The following CEP152 variants were observed in gnomAD, a reference collection of about 807,000 sequenced individuals.
CEP152 encodes the protein centrosomal protein 152.
In CEP152, 132 loss-of-function variants were observed where a neutral mutation model predicts 188.9. The observed-to-expected ratio is 0.70, with a 90% confidence interval of 0.61 to 0.81. The LOEUF is 0.81. Ranked by LOEUF, CEP152 falls within the 30% of genes least tolerant of loss-of-function variation. The probability of loss-of-function intolerance (pLI) is 0.00; values close to 1 mark genes in which losing one functional copy is unlikely to be tolerated. For missense variants in CEP152, 1,914 were observed against 1,969.8 expected, an observed-to-expected ratio of 0.97 and a Z score of 0.54; for synonymous variants, 649 against 666.6, an observed-to-expected ratio of 0.97 and a Z score of 0.41.
At position 48,796,132 on chromosome 15, in the gene CEP152, T is replaced by C; in HGVS notation, c.569A>G (p.Tyr190Cys). ...ATAAGGTTTATATGTCACTTTATTA[T>C]ACGGTTCCAAACCTTGACAACTGGG... is the stretch of plus-strand genomic sequence containing the variant. The part of the protein sequence containing the change: ...QGPSCQGLEP[Y>C]NKVTYKPYQS... Residue 190 changes from tyrosine (Y) to cysteine (C), a missense_variant, in exon 6 of 27, where the codon TAT becomes TGT. Tyr to Cys is a radical substitution (Grantham distance 194, BLOSUM62 -2). Transcript: ENST00000380950. The C allele has an allele frequency of 6.2e-7, 1 of 1,613,870 alleles. No homozygotes were observed. Among genetic ancestry groups the C allele is most frequent in the South Asian group, 1.1e-5 (1 of 91,086 alleles).
intron 2 of CEP152, among the ~76,000 whole-genome samples, chr15:48,804,193 G>A (rs1294261392): frequency 6.6e-6 from 1 of 152,266 alleles, no homozygotes; most frequent in Admixed American, 6.5e-5. Flanking sequence ...CAGGCCAGGT[G>A]TGGCCAGGGC....
At chr15:48,744,846 C>G in intron 23 of CEP152, 50 bp downstream of exon 23, 1 of 1,507,494 alleles carries the variant, frequency 6.6e-7, no homozygotes, top group Non-Finnish European at 9.0e-7. Context: ...TTTAAAGATA[C>G]TTGTACTTAG....
downstream of CEP152, among the ~76,000 whole-genome samples, chr15:48,736,938 AGT>A (rs1157747011): frequency 6.6e-6 from 1 of 152,172 alleles, no homozygotes; most frequent in Non-Finnish European, 1.5e-5. Context: ...TTTTTTCTAG[AGT>A]GAGAGATGAC....
At chr15:48,746,324 G>A (rs1893420101) in intron 22 of CEP152, among the ~76,000 whole-genome samples, 1 of 152,002 alleles carries the variant, frequency 6.6e-6, no homozygotes, top group African/African-American at 2.4e-5. Flanking sequence ...AGAATAGTAT[G>A]GTGCTAAATA....
At position 48,762,523 on chromosome 15, in the gene CEP152, T is replaced by C. The variant is rs1442564832; in HGVS notation, c.2430A>G (p.Ala810=). 6.2e-7 allele frequency: 1 copy of C among 1,614,094 alleles called. No individual in the cohort carries two copies. The highest frequency in any genetic ancestry group is 8.5e-7 in the Non-Finnish European group (1 of 1,179,988). ...TSDVISKKEM[A]IMIEEQKCTI... is the part of the protein sequence containing the mutation. ...TGCACTTCTGCTCTTCTATCATAAT[T>C]GCCATCTCTTTCTTGGAAATAACAT... The change falls in exon 18 of 27, where the codon GCA becomes GCG. Residue 810 remains alanine (A), a synonymous_variant. Transcript: ENST00000380950.
Position 48,767,424 on chromosome 15 carries a change from T to C in CEP152, c.2058A>G (p.Lys686=), listed in dbSNP as rs779485624. ...CTAATAGGCTTTCACGTATTTGAGT[T>C]TTCATGGCTTCATGGTGCTGCTGAT... The part of the protein sequence containing the change: ...RTYQQHHEAM[K]TQIRESLLAK... Residue 686 remains lysine (K), a synonymous_variant, in exon 16 of 27, where the codon AAA becomes AAG. Coordinates refer to ENST00000380950, the MANE Select transcript of CEP152 (RefSeq NM_001194998.2). 20 of 1,614,002 alleles carry C rather than the reference T, an allele frequency of 1.2e-5. No homozygotes were observed. The East Asian group carries it at 4.5e-4, about 36-fold the overall frequency.
At chr15:48,729,666 T>C (rs1195863098) in intron 2 of CEP152, 2 of 152,100 alleles carry the variant, frequency 1.3e-5, no homozygotes, top group East Asian at 1.9e-4. Context: ...TGCTGAAGTA[T>C]TTAGGAAGGA....
intron 20 of CEP152, among the ~76,000 whole-genome samples, chr15:48,754,249 T>A (rs539182297): frequency 8.4e-4 from 128 of 152,302 alleles, no homozygotes; most frequent in African/African-American, 3.0e-3. Flanking sequence ...CATAGACTTA[T>A]GAGCCTCATT....
At chr15:48,743,097 T>C (rs528756933) in intron 24 of CEP152, among the ~76,000 whole-genome samples, 158 of 152,310 alleles carry the variant, frequency 1.0e-3, no homozygotes, top group African/African-American at 3.7e-3. Context: ...GATGAAAACA[T>C]GCTTAAAATT....
At chr15:48,800,812 T>A (rs917868808) in intron 2 of CEP152, among the ~76,000 whole-genome samples, 2 of 152,172 alleles carry the variant, frequency 1.3e-5, no homozygotes, top group Non-Finnish European at 2.9e-5. Flanking sequence ...AGAATCATTC[T>A]ATAAACTCCC....
chr15:48,789,211 C>A (rs1896860072), intron 8 of CEP152: 1 of 593,352 alleles, frequency 1.7e-6, no homozygotes, highest in South Asian at 2.0e-5. Context: ...AAACAATGTT[C>A]CCTGAGAAAA....
Position 48,772,471 on chromosome 15 carries a change from T to C in CEP152, c.1782+16A>G. ...CCTTTTAAAAATGGTTTTTTAACTC[T>C]ATAGGCTTTACATACCTCAACCTCA... On this transcript the variant is annotated intron_variant, in intron 13 of 26. Coordinates refer to ENST00000380950, the MANE Select transcript of CEP152 (RefSeq NM_001194998.2). 6.2e-7 allele frequency: 1 copy of C among 1,605,112 alleles called. No homozygotes were observed. Among genetic ancestry groups the C allele is most frequent in the Non-Finnish European group, 8.5e-7 (1 of 1,175,936 alleles).
chr15:48,733,782 A>T (rs1892503564), downstream of CEP152, among the ~76,000 whole-genome samples: 1 of 152,208 alleles, frequency 6.6e-6, no homozygotes, highest in African/African-American at 2.4e-5. Context: ...AATTCATCAT[A>T]TATAAAGAAC....
At chr15:48,768,447 C>A in intron 14 of CEP152, 119 bp from the exon 15 acceptor site, 1 of 632,618 alleles carries the variant, frequency 1.6e-6, no homozygotes, top group Non-Finnish European at 2.8e-6. Context: ...CAATATTTGA[C>A]ATATTATTTT....
chr15:48,766,937 A>G, intron 17 of CEP152, 123 bp downstream of exon 17: 1 of 1,312,302 alleles, frequency 7.6e-7, no homozygotes, highest in Admixed American at 1.7e-5. Flanking sequence ...TACAGCCAAA[A>G]GTAAAGAGAA....
intron 3 of CEP152, 68 bp downstream of exon 3, chr15:48,797,880 A>T: frequency 6.7e-7 from 1 of 1,484,316 alleles, no homozygotes; most frequent in Non-Finnish European, 9.3e-7. Context: ...TGTAATTATT[A>T]ATCTTCATCA....
chr15:48,740,951 C>G (rs1892925491), intron 26 of CEP152: 2 of 837,348 alleles, frequency 2.4e-6, no homozygotes, highest in South Asian at 1.1e-4. Context: ...CCATTCATAT[C>G]CCCTAGGCCC....
chr15:48,734,645 T>G (rs1595575608), downstream of CEP152, among the ~76,000 whole-genome samples: 1 of 147,762 alleles, frequency 6.8e-6, no homozygotes. Flanking sequence ...CACTTCAAAT[T>G]AAAAGATACA....
intron 2 of CEP152, among the ~76,000 whole-genome samples, chr15:48,730,380 G>A (rs927687946): frequency 6.6e-6 from 1 of 152,156 alleles, no homozygotes; most frequent in Non-Finnish European, 1.5e-5. Context: ...GGCAAGAGAT[G>A]GGCAGACTAA....
Sources: gnomAD v4.1 joint callset for allele counts (sites outside exome capture counted in the v4.1 genomes callset) on GRCh38, gnomAD v4.1.1 for gene constraint, MANE v1.5 for transcripts, NCBI Gene and HGNC (gene_info 2026-07-23, HGNC 2026-07-21) for gene names.